BTBD9: variants seen among roughly 807,000 people sequenced by gnomAD.
BTBD9 encodes BTB domain containing 9.
In BTBD9, 49 loss-of-function variants were observed where a neutral mutation model predicts 64.3. The ratio of observed to expected loss-of-function variants is 0.76; its 90% confidence interval spans 0.61 to 0.97. The LOEUF is 0.97. Ranked by LOEUF, BTBD9 falls within the 50% of genes least tolerant of loss-of-function variation. BTBD9 has a pLI of 0.00. For synonymous variants in BTBD9, 260 were observed against 274.7 expected, an observed-to-expected ratio of 0.95 and a Z score of 0.53; for missense variants, 598 against 762.1, an observed-to-expected ratio of 0.78 and a Z score of 2.53.
intron 9 of BTBD9, among the ~76,000 whole-genome samples, chr6:38,219,227 T>C (rs1763118528): frequency 6.9e-6 from 1 of 145,902 alleles, no homozygotes; most frequent in Non-Finnish European, 1.5e-5. Flanking sequence ...CTCCGCCTCC[T>C]GGGTTCAAAC....
intron 8 of BTBD9, among the ~76,000 whole-genome samples, chr6:38,260,256 A>G (rs1764745343): frequency 6.6e-6 from 1 of 152,218 alleles, no homozygotes; most frequent in Non-Finnish European, 1.5e-5. Flanking sequence ...AAACTAGGGG[A>G]AAACTTCAAA....
chr6:38,546,222 C>A (rs1471784270), intron 6 of BTBD9, among the ~76,000 whole-genome samples: 1 of 152,144 alleles, frequency 6.6e-6, no homozygotes, highest in Non-Finnish European at 1.5e-5. Flanking sequence ...GGAATATTGA[C>A]AAAGGGCTGG....
rs187290218 is a variant in BTBD9, at chr6:38,176,047, C to T, written c.1642-865G>A. 7.2e-5 allele frequency among the ~76,000 whole-genome samples: 11 copies of T among 152,366 alleles called. 1 individual carries two copies. The East Asian group carries it at 2.1e-3, about 29-fold the overall frequency. On this transcript the variant is annotated intron_variant, in intron 10 of 10. Coordinates refer to ENST00000481247, the MANE Select transcript of BTBD9 (RefSeq NM_001099272.2). ...GTGCCAGCACTGTGCAGACAGGGCA[C>T]AGCACCGAGCTCAGCGCCCCGCAAG... is the stretch of plus-strand genomic sequence containing the variant.
chr6:38,542,596 A>G (rs1279906691), intron 6 of BTBD9, among the ~76,000 whole-genome samples: 1 of 152,148 alleles, frequency 6.6e-6, no homozygotes, highest in Non-Finnish European at 1.5e-5. Context: ...ATTTTTATAA[A>G]CTACTTACTA....
At chr6:38,351,247 A>G (rs190994741) in intron 6 of BTBD9, among the ~76,000 whole-genome samples, 1 of 152,284 alleles carries the variant, frequency 6.6e-6, no homozygotes, top group African/African-American at 2.4e-5. Flanking sequence ...GAAAGGTTAA[A>G]CACTACACAC....
At chr6:38,589,802 G>A (rs77472143) in intron 4 of BTBD9, among the ~76,000 whole-genome samples, 2,369 of 152,034 alleles carry the variant, frequency 0.016, 44 homozygotes, top group African/African-American at 0.053. Context: ...CCTCCCTATC[G>A]TGAGCTACCA....
intron 6 of BTBD9, among the ~76,000 whole-genome samples, chr6:38,479,110 G>A (rs529981023): frequency 1.3e-5 from 2 of 152,262 alleles, no homozygotes; most frequent in African/African-American, 2.4e-5. Context: ...CTACAAGAAC[G>A]CGACCAACAC....
intron 6 of BTBD9, among the ~76,000 whole-genome samples, chr6:38,564,688 A>G (rs898488985): frequency 3.3e-5 from 5 of 152,146 alleles, no homozygotes; most frequent in African/African-American, 2.4e-5. Context: ...GGAGATTGAG[A>G]CCATCCTGGC....
intron 6 of BTBD9, among the ~76,000 whole-genome samples, chr6:38,376,618 G>T (rs1372594182): frequency 6.6e-6 from 1 of 152,122 alleles, no homozygotes; most frequent in Non-Finnish European, 1.5e-5. Flanking sequence ...TGATAAAAGA[G>T]AAATCATTAT....
At chr6:38,571,196 C>T (rs1042242152) in intron 6 of BTBD9, among the ~76,000 whole-genome samples, 1 of 152,274 alleles carries the variant, frequency 6.6e-6, no homozygotes, top group African/African-American at 2.4e-5. Flanking sequence ...AGTAAAGGCT[C>T]AGTATTATTC....
At chr6:38,316,558 AAAG>A (rs1198034946) in intron 7 of BTBD9, among the ~76,000 whole-genome samples, 4 of 152,328 alleles carry the variant, frequency 2.6e-5, no homozygotes, top group Admixed American at 1.3e-4. Flanking sequence ...AAACAAGAAA[AAAG>A]AAGACTAATA....
At chr6:38,196,620 G>A (rs758986408) in intron 9 of BTBD9, among the ~76,000 whole-genome samples, 15 of 152,284 alleles carry the variant, frequency 9.9e-5, no homozygotes, top group South Asian at 4.2e-4. Flanking sequence ...GCATGGCACC[G>A]GCTGGGTGTT....
At chr6:38,339,383 G>A (rs116370005) in intron 7 of BTBD9, among the ~76,000 whole-genome samples, 117 of 152,218 alleles carry the variant, frequency 7.7e-4, no homozygotes, top group African/African-American at 2.7e-3. Flanking sequence ...GGTGGTATGT[G>A]CCTACAGTCC....
At chr6:38,620,497 C>T (rs1038572133) in intron 1 of BTBD9, among the ~76,000 whole-genome samples, 1 of 152,188 alleles carries the variant, frequency 6.6e-6, no homozygotes, top group Admixed American at 6.5e-5. Flanking sequence ...ATCTAGGCCA[C>T]TTCTCAAGTC....
chr6:38,449,445 A>T (rs1262971556), intron 6 of BTBD9, among the ~76,000 whole-genome samples: 1 of 152,224 alleles, frequency 6.6e-6, no homozygotes, highest in Non-Finnish European at 1.5e-5. Flanking sequence ...AACAGAATAG[A>T]GACCCTAGAA....
chr6:38,379,978 T>C (rs952469364), intron 6 of BTBD9, among the ~76,000 whole-genome samples: 3 of 152,134 alleles, frequency 2.0e-5, no homozygotes, highest in African/African-American at 7.2e-5. Flanking sequence ...TATGTATAAA[T>C]GCCCAAAGAA....
At chr6:38,585,513 T>C (rs538396195) in intron 4 of BTBD9, among the ~76,000 whole-genome samples, 20 of 152,280 alleles carry the variant, frequency 1.3e-4, no homozygotes, top group African/African-American at 4.8e-4. Flanking sequence ...TCTCACTATA[T>C]TGCCCAGGCT....
intron 9 of BTBD9, among the ~76,000 whole-genome samples, chr6:38,219,090 G>A (rs1763104336): frequency 6.6e-6 from 1 of 151,514 alleles, no homozygotes; most frequent in Admixed American, 6.6e-5. Flanking sequence ...GATGAGGAGA[G>A]GGACAGATAG....
chr6:38,460,613 G>GTT (rs201420310), intron 6 of BTBD9, among the ~76,000 whole-genome samples: 1 of 151,796 alleles, frequency 6.6e-6, no homozygotes, highest in Non-Finnish European at 1.5e-5. Context: ...CACAGTTAGG[G>GTT]TTTTTTTTGT....
Sources: allele counts gnomAD v4.1 joint callset (sites outside exome capture counted in the v4.1 genomes callset), GRCh38; gene constraint gnomAD v4.1.1; transcripts MANE v1.5; gene names NCBI Gene and HGNC (gene_info 2026-07-23, HGNC 2026-07-21).